Variants in KIAA1217 observed in about 807,000 individuals in gnomAD.
The protein encoded by KIAA1217 is sickle tail protein homolog.
Under a neutral mutation model 163.9 loss-of-function variants are expected in KIAA1217, and 88 were observed. The ratio of observed to expected loss-of-function variants is 0.54; its 90% CI spans 0.45 to 0.64. The LOEUF (loss-of-function observed/expected upper bound fraction) is 0.64, where lower values mean the gene tolerates loss of function less well. KIAA1217 is among the 30% of genes least tolerant of loss of function. The probability of loss-of-function intolerance (pLI) is 0.00; values close to 1 mark genes in which losing one functional copy is unlikely to be tolerated. For synonymous variants in KIAA1217, 903 were observed against 923.1 expected (o/e 0.98, Z 0.39); for missense variants, 2,372 against 2,475.0 (o/e 0.96, Z 0.88).
At chr10:24,228,614 T>G (rs955533359) in intron 2 of KIAA1217, among the ~76,000 whole-genome samples, 3 of 152,100 alleles carry the variant, frequency 2.0e-5, no homozygotes, top group Non-Finnish European at 2.9e-5. Flanking sequence ...ACAGAGCTGA[T>G]GGGTTGTATA....
intron 1 of KIAA1217, among the ~76,000 whole-genome samples, chr10:23,818,487 TC>T (rs1837471277): frequency 6.6e-6 from 1 of 151,760 alleles, no homozygotes; most frequent in Admixed American, 6.6e-5. Context: ...ACTCATATTT[TC>T]CAGATTCCCT....
intron 1 of KIAA1217, among the ~76,000 whole-genome samples, chr10:23,960,405 G>A (rs1384878427): frequency 1.3e-5 from 2 of 152,072 alleles, no homozygotes; most frequent in East Asian, 1.9e-4. Context: ...TTACAGGCAC[G>A]TGCCACCACA....
intron 1 of KIAA1217, among the ~76,000 whole-genome samples, chr10:23,698,092 A>G (rs1384921661): frequency 1.3e-5 from 2 of 152,220 alleles, no homozygotes; most frequent in African/African-American, 4.8e-5. Context: ...AGATTATTGT[A>G]ATTACATGAT....
At chr10:23,994,436 G>C (rs969650645) in intron 1 of KIAA1217, among the ~76,000 whole-genome samples, 2 of 152,140 alleles carry the variant, frequency 1.3e-5, no homozygotes, top group Non-Finnish European at 2.9e-5. Context: ...GTGATCGTTG[G>C]GTTCTCCGGA....
At chr10:23,868,240 A>G (rs188383550) in intron 1 of KIAA1217, among the ~76,000 whole-genome samples, 38 of 152,144 alleles carry the variant, frequency 2.5e-4, no homozygotes, top group African/African-American at 7.2e-4. Context: ...TCCTGGGTAC[A>G]TGGTTTTCTT....
chr10:24,325,316 A>G (rs1284567911), intron 2 of KIAA1217, among the ~76,000 whole-genome samples: 1 of 152,210 alleles, frequency 6.6e-6, no homozygotes, highest in African/African-American at 2.4e-5. Context: ...GCAGCAGTTC[A>G]ATGCTCTGCA....
intron 2 of KIAA1217, among the ~76,000 whole-genome samples, chr10:24,059,177 A>G (rs567743269): frequency 6.6e-6 from 1 of 152,288 alleles, no homozygotes; most frequent in East Asian, 1.9e-4. Context: ...GGTGTATCAC[A>G]TTAATTTATT....
chr10:24,053,964 G>A (rs1849701001), intron 2 of KIAA1217, among the ~76,000 whole-genome samples: 1 of 152,046 alleles, frequency 6.6e-6, no homozygotes, highest in East Asian at 1.9e-4. Flanking sequence ...GAAACATGGA[G>A]AGAGGAAGAG....
rs912554222 is a variant in KIAA1217, at chr10:23,727,786, T to A, written c.-321+32552T>A. Among the ~76,000 whole-genome samples the A allele has an allele frequency of 5.3e-5, 8 of 152,108 alleles. 1 individual carries two copies. Among genetic ancestry groups the A allele is most frequent in the Non-Finnish European group, 8.8e-5 (6 of 68,022 alleles). ...ACATTAGGTATTTCTCCTGATGCTA[T>A]CCCTCCTCTAGACCCCCCACCTCCC... On this transcript the variant is annotated intron_variant, in intron 1 of 18. Coordinates refer to the KIAA1217 transcript ENST00000376462.
At chr10:23,847,661 A>C (rs542931548) in intron 1 of KIAA1217, among the ~76,000 whole-genome samples, 1 of 152,232 alleles carries the variant, frequency 6.6e-6, no homozygotes, top group East Asian at 1.9e-4. Flanking sequence ...TCTTTTCAAA[A>C]AATCAGCTCT....
chr10:23,728,574 G>C (rs2130782268), intron 1 of KIAA1217, among the ~76,000 whole-genome samples: 1 of 151,814 alleles, frequency 6.6e-6, no homozygotes, highest in Non-Finnish European at 1.5e-5. Flanking sequence ...TTTGTCAGAT[G>C]GATAGATTGC....
chr10:24,423,590 G>A (rs928420030), intron 3 of KIAA1217, among the ~76,000 whole-genome samples: 1 of 152,160 alleles, frequency 6.6e-6, no homozygotes, highest in Non-Finnish European at 1.5e-5. Context: ...CTCCCAAGTA[G>A]CTGGGACTAC....
intron 5 of KIAA1217, among the ~76,000 whole-genome samples, chr10:24,445,635 G>GT (rs1037113846): frequency 1.3e-5 from 2 of 148,878 alleles, no homozygotes; most frequent in African/African-American, 2.5e-5. Flanking sequence ...GCGGTCTTTG[G>GT]TTTTTTGTCC....
chr10:24,392,825 A>AAAAAGATTTTGTTT (rs1341123047), intron 3 of KIAA1217, among the ~76,000 whole-genome samples: 1 of 152,232 alleles, frequency 6.6e-6, no homozygotes, highest in African/African-American at 2.4e-5. Flanking sequence ...GTGTATGAGG[A>AAAAAGATTTTGTTT]AAAAGATTTT....
Position 24,531,894 on chromosome 10 carries a change from G to A in KIAA1217, c.3147G>A (p.Pro1049=), listed in dbSNP as rs780078360. 9.9e-6 allele frequency: 16 copies of A among 1,609,626 alleles called. No homozygotes were observed. The highest frequency in any genetic ancestry group is 7.8e-5 in the South Asian group (7 of 90,214). Residue 1049 remains proline, a synonymous_variant, in exon 15 of 21, where the codon CCG becomes CCA. Coordinates refer to ENST00000376454, the MANE Select transcript of KIAA1217 (RefSeq NM_019590.5). The part of the protein sequence containing the change: ...KLGGKSPPPP[P]PPPRRSYLPG... ...GGGGAAAGTCGCCCCCTCCTCCTCC[G>A]CCACCTCCTCGTCGAAGCTACCTGC... is the stretch of plus-strand genomic sequence containing the variant.
intron 1 of KIAA1217, among the ~76,000 whole-genome samples, chr10:23,754,564 G>A (rs1486542210): frequency 6.6e-6 from 1 of 152,180 alleles, no homozygotes; most frequent in African/African-American, 2.4e-5. Flanking sequence ...CTTTAGCAGT[G>A]CTCCATTCAG....
At chr10:24,089,449 A>G (rs1308994612) in intron 2 of KIAA1217, among the ~76,000 whole-genome samples, 11 of 124,808 alleles carry the variant, frequency 8.8e-5, no homozygotes, top group African/African-American at 2.8e-4. Flanking sequence ...TAAGTCTTTA[A>G]TCCATCTTGA....
At chr10:23,747,697 A>C (rs1470256969) in intron 1 of KIAA1217, among the ~76,000 whole-genome samples, 1 of 152,222 alleles carries the variant, frequency 6.6e-6, no homozygotes. Context: ...TCAGAAAGAT[A>C]CAGAGAACTA....
At chr10:23,827,990 C>T (rs12219983) in intron 1 of KIAA1217, among the ~76,000 whole-genome samples, 1 of 152,288 alleles carries the variant, frequency 6.6e-6, no homozygotes, top group East Asian at 1.9e-4. Flanking sequence ...CACAGAGACA[C>T]AGTGAATACA....
Sources: allele counts gnomAD v4.1 joint callset (sites outside exome capture counted in the v4.1 genomes callset), GRCh38; gene constraint gnomAD v4.1.1; transcripts MANE v1.5; gene names NCBI Gene and HGNC (gene_info 2026-07-23, HGNC 2026-07-21).